Variants in SLC35F3 observed in about 807,000 individuals in gnomAD.
SLC35F3 encodes solute carrier family 35 member F3.
A neutral mutation model predicts 49.9 loss-of-function variants in SLC35F3; 25 were observed. That is an observed-to-expected ratio of 0.50 (90% CI 0.37 to 0.70). The LOEUF (loss-of-function observed/expected upper bound fraction) is 0.70. Ranked by LOEUF, SLC35F3 falls within the 30% of genes least tolerant of loss-of-function variation. The probability of loss-of-function intolerance (pLI) is 0.00; values close to 1 mark genes in which losing one functional copy is unlikely to be tolerated. For missense variants in SLC35F3, 525 were observed against 639.8 expected, an observed-to-expected ratio of 0.82 and a Z score of 1.94; for synonymous variants, 275 against 265.4, an observed-to-expected ratio of 1.04 and a Z score of -0.35.
chr1:234,109,695 G>A (rs1001269203), intron 2 of SLC35F3, among the ~76,000 whole-genome samples: 3 of 152,158 alleles, frequency 2.0e-5, no homozygotes, highest in Non-Finnish European at 4.4e-5. Context: ...AAGTGAGCTC[G>A]TACTGTCTGA....
At chr1:233,959,426 C>T (rs896906349) in intron 2 of SLC35F3, among the ~76,000 whole-genome samples, 25 of 152,232 alleles carry the variant, frequency 1.6e-4, no homozygotes, top group African/African-American at 5.8e-4. Flanking sequence ...TCATTTCCTC[C>T]AAGCCCAGGG....
chr1:234,251,464 C>CAAAAAAAAAA (rs56891961), intron 3 of SLC35F3, among the ~76,000 whole-genome samples: 1 of 123,834 alleles, frequency 8.1e-6, no homozygotes, highest in African/African-American at 3.1e-5. Flanking sequence ...CAAACTAAAC[C>CAAAAAAAAAA]AAAAAAAAAA....
At chr1:234,013,019 G>A (rs755879307) in intron 2 of SLC35F3, among the ~76,000 whole-genome samples, 1 of 152,110 alleles carries the variant, frequency 6.6e-6, no homozygotes, top group African/African-American at 2.4e-5. Context: ...TCATCTAACA[G>A]CATCGGAATA....
At position 233,932,194 on chromosome 1, in the gene SLC35F3, T is replaced by G. The variant is rs559540602; in HGVS notation, c.283+26436T>G. Among the ~76,000 whole-genome samples the G allele has an allele frequency of 2.0e-5, 3 of 152,176 alleles. No individual in the cohort carries two copies. In the East Asian group the frequency reaches 5.8e-4, roughly 29 times the overall value. ...AGAGCATTAGGAGAAATACCTAATG[T>G]AGATGACAGGTTGATGAGTGCAGCA... On this transcript the variant is annotated intron_variant, in intron 2 of 7. Coordinates refer to ENST00000366618, the MANE Select transcript of SLC35F3 (RefSeq NM_173508.4).
chr1:233,918,287 G>T (rs1219232803), intron 2 of SLC35F3, among the ~76,000 whole-genome samples: 1 of 152,216 alleles, frequency 6.6e-6, no homozygotes, highest in Non-Finnish European at 1.5e-5. Flanking sequence ...AGCTTAGGCT[G>T]CCAGAATCTC....
chr1:234,098,773 G>A lies in SLC35F3; in HGVS notation c.284-132644G>A, dbSNP rs549153802. ...TGATGGTGGTGACTGTGTTGGTGGT[G>A]GTGGTGGCAGTTCAGATGGCGGTGG... is the stretch of plus-strand genomic sequence containing the variant. On this transcript the variant is annotated intron_variant, in intron 2 of 7. Coordinates refer to ENST00000366618, the MANE Select transcript of SLC35F3 (RefSeq NM_173508.4). Among the ~76,000 whole-genome samples, 293 of 151,718 alleles carry A rather than the reference G, an allele frequency of 1.9e-3. 2 individuals carry two copies. The South Asian group carries it at 0.021, about 11-fold the overall frequency.
intron 2 of SLC35F3, among the ~76,000 whole-genome samples, chr1:233,925,567 G>T (rs1158082611): frequency 1.3e-5 from 2 of 152,054 alleles, no homozygotes; most frequent in Non-Finnish European, 2.9e-5. Flanking sequence ...GCACACTGAT[G>T]GGTCTTGACT....
At chr1:234,053,738 G>C (rs907649070) in intron 2 of SLC35F3, among the ~76,000 whole-genome samples, 9 of 152,148 alleles carry the variant, frequency 5.9e-5, no homozygotes, top group African/African-American at 1.4e-4. Context: ...TCCTAGCATC[G>C]ATGGTCTTTA....
chr1:234,038,429 T>G (rs1345794872), intron 2 of SLC35F3, among the ~76,000 whole-genome samples: 1 of 151,844 alleles, frequency 6.6e-6, no homozygotes, highest in African/African-American at 2.4e-5. Flanking sequence ...AACATACATA[T>G]GCATGTGTCT....
rs1657702642 is a variant in SLC35F3, at chr1:234,324,292, G to A, written c.*1049G>A. ...TGTGATAGATCTGTAAAGAGGGTCA[G>A]GGGTTAGAGTTTACTATTTTTGAAG... On this transcript the variant is annotated 3_prime_UTR_variant, in exon 8 of 8. Coordinates refer to ENST00000366618, the MANE Select transcript of SLC35F3 (RefSeq NM_173508.4). 1 of 152,208 alleles carries A rather than the reference G, an allele frequency of 6.6e-6. No individual in the cohort carries two copies. Among genetic ancestry groups the A allele is most frequent in the African/African-American group, 2.4e-5 (1 of 41,444 alleles). The allele number at this position is 152,208 out of a possible 1,614,324, so 9.4% of individuals were successfully genotyped here. A position where few individuals can be genotyped will look rare whatever the true frequency, so the allele number is the denominator to read the frequency against.
At chr1:234,248,205 T>C (rs1364261159) in intron 3 of SLC35F3, among the ~76,000 whole-genome samples, 3 of 151,876 alleles carry the variant, frequency 2.0e-5, no homozygotes, top group South Asian at 2.1e-4. Context: ...GTCCATTGTT[T>C]GGTGGGTTGG....
intron 2 of SLC35F3, among the ~76,000 whole-genome samples, chr1:234,140,014 G>T (rs972851836): frequency 3.4e-4 from 22 of 65,052 alleles, no homozygotes; most frequent in Non-Finnish European, 7.9e-4. Context: ...TAAGTGACTT[G>T]AACACAAGTA....
chr1:234,204,153 A>G (rs915367140), intron 2 of SLC35F3, among the ~76,000 whole-genome samples: 1 of 152,196 alleles, frequency 6.6e-6, no homozygotes, highest in Non-Finnish European at 1.5e-5. Flanking sequence ...ATTAATAGCA[A>G]TAAAACTTAG....
chr1:234,019,598 T>A (rs951195547), intron 2 of SLC35F3, among the ~76,000 whole-genome samples: 1 of 152,166 alleles, frequency 6.6e-6, no homozygotes, highest in African/African-American at 2.4e-5. Context: ...CCACCTACAT[T>A]TTGGAAATCA....
chr1:233,911,163 T>C (rs1297487713), intron 2 of SLC35F3, among the ~76,000 whole-genome samples: 1 of 152,212 alleles, frequency 6.6e-6, no homozygotes, highest in Non-Finnish European at 1.5e-5. Context: ...AGCGTCCCTG[T>C]TAGTTCACCC....
chr1:234,219,253 A>G (rs1047422487), intron 2 of SLC35F3, among the ~76,000 whole-genome samples: 1 of 152,100 alleles, frequency 6.6e-6, no homozygotes, highest in Non-Finnish European at 1.5e-5. Flanking sequence ...TAAGACGGTT[A>G]TCCTGGAATG....
intron 2 of SLC35F3, among the ~76,000 whole-genome samples, chr1:234,004,965 G>C (rs1663607700): frequency 6.6e-6 from 1 of 151,992 alleles, no homozygotes; most frequent in South Asian, 2.1e-4. Flanking sequence ...TTAGATAAAA[G>C]GCATTTATTT....
rs1197970244 is a variant in SLC35F3 at position 234,231,583 on chromosome 1, G to C, written c.450G>C (p.Ala150=). 1 of 1,614,046 alleles carries C rather than the reference G, an allele frequency of 6.2e-7. No homozygotes were observed. Among genetic ancestry groups the C allele is most frequent in the Non-Finnish European group, 8.5e-7 (1 of 1,180,028 alleles). Reference sequence around the variant, plus strand: ...TGCTGTGCGTGTGCTCCTCGTGGGCGGGCTCCACGCAGCTCGCCAAGCTGA... The same window carrying C: ...TGCTGTGCGTGTGCTCCTCGTGGGCCGGCTCCACGCAGCTCGCCAAGCTGA... ...AVVLCVCSSW[A]GSTQLAKLTF... The change falls in exon 3 of 8, where the codon GCG becomes GCC. Residue 150 remains alanine, a synonymous_variant. Transcript: ENST00000366618. The surrounding 1 kb of genome is among the most constrained non-coding windows in gnomAD (Gnocchi z 5.4).
chr1:234,040,155 G>A (rs528148708), intron 2 of SLC35F3, among the ~76,000 whole-genome samples: 3 of 152,296 alleles, frequency 2.0e-5, no homozygotes, highest in East Asian at 3.9e-4. Context: ...GTAAAGGCAG[G>A]TCACTCTCCC....
Sources: allele counts gnomAD v4.1 joint callset (sites outside exome capture counted in the v4.1 genomes callset), GRCh38; gene constraint gnomAD v4.1.1; non-coding constraint Gnocchi (gnomAD v3.1); transcripts MANE v1.5; gene names NCBI Gene and HGNC (gene_info 2026-07-23, HGNC 2026-07-21).